Variants in C10orf67 observed in about 807,000 individuals in gnomAD.
The protein encoded by C10orf67 is chromosome 10 open reading frame 67.
C10orf67 carries 60 observed loss-of-function variants against 35.6 expected under a neutral mutation model. The ratio of observed to expected loss-of-function variants is 1.68; its 90% CI spans 1.37 to 2.09. C10orf67 has a LOEUF of 2.09. Ranked by LOEUF, C10orf67 falls within the 30% of genes most tolerant of loss-of-function variation. C10orf67 has a pLI of 0.00. For missense variants in C10orf67, 474 were observed against 330.2 expected (o/e 1.44, Z -3.38); for synonymous variants, 167 against 115.8 (o/e 1.44, Z -2.84).
intron 12 of C10orf67, among the ~76,000 whole-genome samples, chr10:23,249,131 CAAAAAAA>C (rs57702096): frequency 6.0e-4 from 13 of 21,558 alleles, no homozygotes; most frequent in East Asian, 2.9e-3. Context: ...AACTCCCTCT[CAAAAAAA>C]AAAAAAAAAA....
chr10:23,217,557 A>C (rs899295932), intron 15 of C10orf67, among the ~76,000 whole-genome samples: 6 of 152,180 alleles, frequency 3.9e-5, no homozygotes, highest in African/African-American at 1.4e-4. Context: ...CTCTTAAATG[A>C]ACACAATATC....
chr10:23,224,947 A>G (rs1458079358), intron 13 of C10orf67, among the ~76,000 whole-genome samples: 1 of 152,256 alleles, frequency 6.6e-6, no homozygotes, highest in Non-Finnish European at 1.5e-5. Context: ...AACACTCTGC[A>G]GGATATTATC....
chr10:23,258,772 C>A (rs1842670542), intron 10 of C10orf67, among the ~76,000 whole-genome samples: 1 of 152,150 alleles, frequency 6.6e-6, no homozygotes, highest in Admixed American at 6.5e-5. Flanking sequence ...AAGCTGCTGA[C>A]AAGGTTTTCC....
At chr10:23,234,575 T>C (rs1841994138) in intron 13 of C10orf67, among the ~76,000 whole-genome samples, 1 of 151,956 alleles carries the variant, frequency 6.6e-6, no homozygotes. Context: ...AACTAATGGG[T>C]TCCGGACTTA....
rs111466499 is a variant in C10orf67 at position 23,320,895 on chromosome 10, T to TA, written c.472-81dup. The TA allele has an allele frequency of 3.6e-4, 319 of 889,036 alleles. No homozygotes were observed. In the African/African-American group the frequency reaches 4.4e-3, roughly 12 times the overall value. 55.1% of individuals were successfully genotyped at this position (889,036 alleles called of 1,614,324 possible). A position where few individuals can be genotyped will look rare whatever the true frequency, so the allele number is the denominator to read the frequency against. On this transcript the variant is annotated intron_variant, in intron 3 of 15. Transcript: ENST00000636213. ...ACACCTACTAGGGAGGGACTCATAGTAAAAAAACATCATCTGAATCATCAC... is the reference window on the plus strand; with the variant it reads ...ACACCTACTAGGGAGGGACTCATAGTAAAAAAAACATCATCTGAATCATCAC...
intron 2 of C10orf67, 74 bp from the exon 3 acceptor site, chr10:23,322,611 C>G (rs1845003474): frequency 2.0e-6 from 2 of 1,005,526 alleles, no homozygotes. Context: ...TTGTCACTTG[C>G]TAAGTGGGAG....
chr10:23,253,133 C>A (rs1564473069), intron 10 of C10orf67, among the ~76,000 whole-genome samples: 1 of 152,194 alleles, frequency 6.6e-6, no homozygotes, highest in South Asian at 2.1e-4. Flanking sequence ...GTCCATTAAA[C>A]CCCTTCTTCC....
chr10:23,263,102 C>A (rs959184927), intron 10 of C10orf67, among the ~76,000 whole-genome samples: 1 of 152,150 alleles, frequency 6.6e-6, no homozygotes, highest in Non-Finnish European at 1.5e-5. Context: ...CATTGCCTAG[C>A]GCTGCCGGAT....
intron 8 of C10orf67, among the ~76,000 whole-genome samples, chr10:23,278,287 C>G (rs1843255932): frequency 6.6e-6 from 1 of 152,158 alleles, no homozygotes; most frequent in Non-Finnish European, 1.5e-5. Flanking sequence ...GGAATGGAAC[C>G]TGGAAATTAA....
chr10:23,292,095 T>C (rs781105909), intron 5 of C10orf67, among the ~76,000 whole-genome samples: 3 of 151,696 alleles, frequency 2.0e-5, no homozygotes, highest in Non-Finnish European at 4.4e-5. Flanking sequence ...GTTTAAATCT[T>C]GCCATGTCCA....
chr10:23,283,590 T>C (rs901135527), intron 7 of C10orf67, among the ~76,000 whole-genome samples: 5 of 152,120 alleles, frequency 3.3e-5, no homozygotes, highest in Non-Finnish European at 7.4e-5. Flanking sequence ...ATGAATATAA[T>C]CTTCTGCCAC....
intron 3 of C10orf67, among the ~76,000 whole-genome samples, chr10:23,321,836 G>C (rs980680142): frequency 3.3e-5 from 5 of 152,140 alleles, no homozygotes; most frequent in Non-Finnish European, 5.9e-5. Context: ...ACCCAGGCTA[G>C]AGTGCAGTGG....
At chr10:23,312,030 T>C (rs1344581135) in intron 4 of C10orf67, among the ~76,000 whole-genome samples, 1 of 152,186 alleles carries the variant, frequency 6.6e-6, no homozygotes, top group Non-Finnish European at 1.5e-5. Context: ...ATATTAACTT[T>C]TATCATTTAG....
intron 8 of C10orf67, among the ~76,000 whole-genome samples, chr10:23,273,506 A>G (rs1843088808): frequency 6.6e-6 from 1 of 152,190 alleles, no homozygotes; most frequent in South Asian, 2.1e-4. Context: ...AAAAAATCTC[A>G]TTGTACTATA....
intron 5 of C10orf67, among the ~76,000 whole-genome samples, chr10:23,292,077 C>T (rs974428529): frequency 1.3e-5 from 2 of 150,336 alleles, no homozygotes; most frequent in African/African-American, 2.5e-5. Flanking sequence ...TTATTATGTG[C>T]GTCTTTTGTT....
intron 8 of C10orf67, among the ~76,000 whole-genome samples, chr10:23,267,951 T>A (rs1032479900): frequency 2.6e-5 from 4 of 151,960 alleles, no homozygotes; most frequent in Non-Finnish European, 4.4e-5. Flanking sequence ...GATAATTTAA[T>A]TGTTGAACTT....
At chr10:23,287,357 C>CA (rs1416799489) in intron 7 of C10orf67, among the ~76,000 whole-genome samples, 27 of 152,082 alleles carry the variant, frequency 1.8e-4, no homozygotes, top group African/African-American at 6.3e-4. Flanking sequence ...ACAAACCTGA[C>CA]AAAAACAAGC....
intron 5 of C10orf67, among the ~76,000 whole-genome samples, chr10:23,295,446 G>A (rs1292362423): frequency 6.6e-6 from 1 of 152,150 alleles, no homozygotes; most frequent in Non-Finnish European, 1.5e-5. Context: ...AGGTCTGTTT[G>A]GTACATTTTA....
At chr10:23,232,706 A>G (rs1841944238) in intron 13 of C10orf67, among the ~76,000 whole-genome samples, 1 of 152,202 alleles carries the variant, frequency 6.6e-6, no homozygotes, top group African/African-American at 2.4e-5. Flanking sequence ...AAACCAGAAA[A>G]GTTTCCAAAA....
Sources: gnomAD v4.1 joint callset for allele counts (sites outside exome capture counted in the v4.1 genomes callset) on GRCh38, gnomAD v4.1.1 for gene constraint, MANE v1.5 for transcripts, NCBI Gene and HGNC (gene_info 2026-07-23, HGNC 2026-07-21) for gene names.